Variants in ASTN2 observed in about 807,000 individuals in gnomAD.
ASTN2 encodes the protein astrotactin-2.
ASTN2 carries 54 observed loss-of-function variants against 139.8 expected under a neutral mutation model. That is an observed-to-expected ratio of 0.39 (90% CI 0.31 to 0.48). ASTN2 has a LOEUF of 0.48. Ranked by LOEUF, ASTN2 falls within the 20% of genes least tolerant of loss-of-function variation. The pLI, the probability that ASTN2 is intolerant of heterozygous loss-of-function variation, is 0.95. For missense variants in ASTN2, 1,565 were observed against 1,725.1 expected, an observed-to-expected ratio of 0.91 and a Z score of 1.64; for synonymous variants, 756 against 719.5, an observed-to-expected ratio of 1.05 and a Z score of -0.81.
At chr9:117,023,484 T>TATTTTAATTATTTTACACC (rs1348422507) in intron 6 of ASTN2, among the ~76,000 whole-genome samples, 6 of 152,188 alleles carry the variant, frequency 3.9e-5, no homozygotes, top group African/African-American at 1.4e-4. Context: ...AACTCTCCTC[T>TATTTTAATTATTTTACACC]ATTTTAATTA....
chr9:116,605,921 G>T (rs574913018), intron 19 of ASTN2, among the ~76,000 whole-genome samples: 20 of 152,256 alleles, frequency 1.3e-4, no homozygotes, highest in South Asian at 2.1e-4. Flanking sequence ...TTCTAGCTCT[G>T]GCTGTACCAG....
chr9:116,680,357 G>A (rs1038804818), intron 16 of ASTN2, among the ~76,000 whole-genome samples: 49 of 152,248 alleles, frequency 3.2e-4, no homozygotes, highest in African/African-American at 1.1e-3. Flanking sequence ...ACCAATAACA[G>A]GATCTGAAAT....
chr9:117,169,287 G>A (rs527702680), intron 3 of ASTN2, among the ~76,000 whole-genome samples: 1 of 152,156 alleles, frequency 6.6e-6, no homozygotes, highest in South Asian at 2.1e-4. Flanking sequence ...GTGGGGAGAG[G>A]AACTCAGTCC....
chr9:116,494,197 G>A (rs1483517296), intron 19 of ASTN2, among the ~76,000 whole-genome samples: 6 of 152,100 alleles, frequency 3.9e-5, no homozygotes, highest in Non-Finnish European at 8.8e-5. Context: ...GGGAGCAGAT[G>A]ACACCTAGTT....
intron 4 of ASTN2, among the ~76,000 whole-genome samples, chr9:117,116,053 T>TATATATATATATATATATATATATATATA (rs55920877): frequency 7.3e-5 from 11 of 150,438 alleles, no homozygotes; most frequent in East Asian, 3.9e-4. Flanking sequence ...TATATATATA[T>TATATATATATATATATATATATATATATA]TGCTCCCATC....
At chr9:116,797,091 G>A (rs1209881896) in intron 13 of ASTN2, among the ~76,000 whole-genome samples, 3 of 152,050 alleles carry the variant, frequency 2.0e-5, no homozygotes, top group South Asian at 4.2e-4. Flanking sequence ...AAAATGCTGG[G>A]TGTTAAATGT....
chr9:116,966,501 G>T (rs1836013768), intron 10 of ASTN2, among the ~76,000 whole-genome samples: 1 of 152,124 alleles, frequency 6.6e-6, no homozygotes, highest in Non-Finnish European at 1.5e-5. Context: ...GATTTACTGA[G>T]CCTGGGCAGA....
chr9:116,970,946 G>A (rs184097119), intron 10 of ASTN2, among the ~76,000 whole-genome samples: 86 of 152,270 alleles, frequency 5.6e-4, no homozygotes, highest in Middle Eastern at 3.4e-3. Flanking sequence ...AGAAGGCCCA[G>A]TATGCAGTAA....
At chr9:116,613,685 C>T (rs1855678547) in intron 19 of ASTN2, 1 of 152,140 alleles carries the variant, frequency 6.6e-6, no homozygotes, top group African/African-American at 2.4e-5. Context: ...GTGCTTCATG[C>T]TCAAAACTCT....
At chr9:116,777,795 A>G (rs573159866) in intron 13 of ASTN2, among the ~76,000 whole-genome samples, 1 of 152,274 alleles carries the variant, frequency 6.6e-6, no homozygotes, top group East Asian at 1.9e-4. Context: ...ATTCTAATTT[A>G]GTGAAGTTCC....
chr9:117,052,434 T>TAAAA (rs1266282770), intron 5 of ASTN2, among the ~76,000 whole-genome samples: 1 of 137,208 alleles, frequency 7.3e-6, no homozygotes. Flanking sequence ...GACTCCATCT[T>TAAAA]AAAAAAAAAA....
chr9:116,773,084 T>TG (rs1829996277), intron 13 of ASTN2, among the ~76,000 whole-genome samples: 1 of 52,528 alleles, frequency 1.9e-5, no homozygotes, highest in Non-Finnish European at 5.7e-5. Flanking sequence ...ACCTCCATCC[T>TG]ATTTTTTTTT....
At chr9:116,965,336 TG>T (rs1835984208) in intron 10 of ASTN2, among the ~76,000 whole-genome samples, 1 of 152,196 alleles carries the variant, frequency 6.6e-6, no homozygotes, top group Admixed American at 6.5e-5. Flanking sequence ...ATTATTTCCA[TG>T]GCTGTATCTG....
intron 19 of ASTN2, among the ~76,000 whole-genome samples, chr9:116,575,917 T>A (rs1853704851): frequency 6.6e-6 from 1 of 152,156 alleles, no homozygotes; most frequent in Non-Finnish European, 1.5e-5. Flanking sequence ...GGAGAAAAGC[T>A]CAGGGCACTG....
At position 117,214,118 on chromosome 9, in the gene ASTN2, T is replaced by C. The variant is rs141889399; in HGVS notation, c.1015+240A>G. On this transcript the variant is annotated intron_variant, in intron 3 of 22. Coordinates refer to ENST00000313400, the MANE Select transcript of ASTN2 (RefSeq NM_001365068.1). ...GACACTGGAAAGATGTTGGACTGCATAGCCTCTGAGGCTCCTCACAACTCC... is the reference window on the plus strand; with the variant it reads ...GACACTGGAAAGATGTTGGACTGCACAGCCTCTGAGGCTCCTCACAACTCC... 2.0e-3 allele frequency among the ~76,000 whole-genome samples: 300 copies of C among 152,330 alleles called. 1 individual carries two copies. The highest frequency in any genetic ancestry group is 6.8e-3 in the Middle Eastern group (2 of 294).
intron 3 of ASTN2, among the ~76,000 whole-genome samples, chr9:117,172,153 T>C (rs941282915): frequency 3.3e-5 from 5 of 151,996 alleles, no homozygotes; most frequent in Admixed American, 2.0e-4. Context: ...AAATGAAACA[T>C]AAGGGGTGCT....
At chr9:117,323,997 T>C (rs927827441) in intron 1 of ASTN2, among the ~76,000 whole-genome samples, 1 of 152,084 alleles carries the variant, frequency 6.6e-6, no homozygotes. Context: ...ACATATGTAG[T>C]CAGTCATGTG....
At chr9:116,759,716 T>C (rs1361426423) in intron 13 of ASTN2, among the ~76,000 whole-genome samples, 2 of 152,208 alleles carry the variant, frequency 1.3e-5, no homozygotes, top group Admixed American at 6.5e-5. Flanking sequence ...TATTTTTCTT[T>C]ATATCACTTA....
chr9:116,609,903 T>C (rs1855444318), intron 19 of ASTN2, among the ~76,000 whole-genome samples: 1 of 152,140 alleles, frequency 6.6e-6, no homozygotes, highest in Non-Finnish European at 1.5e-5. Context: ...GTAACTGTGA[T>C]ATGTTAGATA....
Sources: allele counts gnomAD v4.1 joint callset (sites outside exome capture counted in the v4.1 genomes callset), GRCh38; gene constraint gnomAD v4.1.1; transcripts MANE v1.5; gene names NCBI Gene and HGNC (gene_info 2026-07-23, HGNC 2026-07-21).